Variants in TBXAS1 observed in about 807,000 individuals in gnomAD.
The protein encoded by TBXAS1 is thromboxane A synthase 1.
TBXAS1 carries 48 observed loss-of-function variants against 60.7 expected under a neutral mutation model. The observed-to-expected ratio is 0.79, with a 90% CI of 0.63 to 1.01. The LOEUF is 1.01. Among genes scored for constraint, TBXAS1 ranks in the 50% least tolerant of loss-of-function variants. TBXAS1 has a pLI of 0.00. For missense variants in TBXAS1, 685 were observed against 686.3 expected (o/e 1.00, Z 0.02); for synonymous variants, 287 against 269.7 (o/e 1.06, Z -0.63).
chr7:139,803,574 C>T (rs1797772086), intron 4 of TBXAS1, among the ~76,000 whole-genome samples: 1 of 152,134 alleles, frequency 6.6e-6, no homozygotes, highest in African/African-American at 2.4e-5. Context: ...AAAATGTCTC[C>T]AGGGTATGTC....
intron 4 of TBXAS1, among the ~76,000 whole-genome samples, chr7:139,791,803 GTTTTGT>G (rs1797390824): frequency 1.3e-5 from 1 of 76,012 alleles, no homozygotes; most frequent in Admixed American, 1.4e-4. Flanking sequence ...TCTTTGGAAT[GTTTTGT>G]TTTTTTTTTT....
rs1169218227 is a variant in TBXAS1 at position 139,833,944 on chromosome 7, C to T, written c.89+4465C>T. ...AAAGAAACAATGGATTTAAACTATA[C>T]CTTGGAACAAATGGACCTAACAGAT... is the stretch of plus-strand genomic sequence containing the variant. On this transcript the variant is annotated intron_variant, in intron 1 of 12. Transcript: ENST00000448866. 2.6e-5 allele frequency among the ~76,000 whole-genome samples: 4 copies of T among 152,098 alleles called. No homozygotes were observed. The East Asian group carries it at 7.7e-4, about 29-fold the overall frequency.
chr7:139,961,347 T>A (rs1810320393), intron 8 of TBXAS1, among the ~76,000 whole-genome samples: 1 of 152,192 alleles, frequency 6.6e-6, no homozygotes, highest in Non-Finnish European at 1.5e-5. Flanking sequence ...AGCACATGCT[T>A]GGTTTTAAAT....
intron 9 of TBXAS1, among the ~76,000 whole-genome samples, chr7:140,001,909 GCT>G (rs1190990343): frequency 6.6e-6 from 1 of 152,112 alleles, no homozygotes; most frequent in African/African-American, 2.4e-5. Flanking sequence ...GGACATTGTC[GCT>G]TCCTCCTCAC....
chr7:140,007,966 G>A (rs898042372), intron 10 of TBXAS1, among the ~76,000 whole-genome samples: 1 of 152,126 alleles, frequency 6.6e-6, no homozygotes, highest in Non-Finnish European at 1.5e-5. Flanking sequence ...ATAGAGAAGG[G>A]CATCTTAATT....
chr7:139,990,676 C>G (rs560586694), intron 9 of TBXAS1, among the ~76,000 whole-genome samples: 156 of 152,094 alleles, frequency 1.0e-3, no homozygotes, highest in African/African-American at 3.7e-3. Flanking sequence ...TTGCTGCCAC[C>G]CTCCCCACCC....
chr7:139,798,906 G>C (rs1212079535), intron 4 of TBXAS1, among the ~76,000 whole-genome samples: 1 of 152,070 alleles, frequency 6.6e-6, no homozygotes, highest in Non-Finnish European at 1.5e-5. Context: ...TCAGATCTTA[G>C]TTCTGGTTCT....
At chr7:139,959,015 AC>A (rs1810111728) in intron 8 of TBXAS1, among the ~76,000 whole-genome samples, 3 of 151,764 alleles carry the variant, frequency 2.0e-5, no homozygotes, top group East Asian at 3.9e-4. Context: ...GTTCACACAC[AC>A]ACACACACAC....
intron 3 of TBXAS1, among the ~76,000 whole-genome samples, chr7:139,883,948 G>T (rs747648463): frequency 2.0e-5 from 3 of 152,196 alleles, no homozygotes; most frequent in Non-Finnish European, 4.4e-5. Context: ...ATGACCACTA[G>T]TGAGTCAAAA....
At chr7:139,781,997 A>G (rs181673031) in intron 2 of TBXAS1, among the ~76,000 whole-genome samples, 1 of 151,770 alleles carries the variant, frequency 6.6e-6, no homozygotes, top group Admixed American at 6.6e-5. Context: ...TAGTAGAAGG[A>G]TGGGGAGGGC....
At chr7:140,019,308 G>C (rs1490556656) in intron 12 of TBXAS1, among the ~76,000 whole-genome samples, 1 of 152,196 alleles carries the variant, frequency 6.6e-6, no homozygotes, top group Non-Finnish European at 1.5e-5. Context: ...GGGGCAGACG[G>C]AGGAGCAGCC....
intron 10 of TBXAS1, among the ~76,000 whole-genome samples, chr7:140,012,395 T>G (rs116684496): frequency 1.3e-5 from 2 of 151,962 alleles, no homozygotes; most frequent in African/African-American, 4.8e-5. Context: ...GCTGGGGCTG[T>G]AATTCTGCCC....
In TBXAS1 at chr7:139,852,264, C is replaced by T. The variant is rs1335246178; in HGVS notation, c.90-19971C>T. 6.6e-6 allele frequency among the ~76,000 whole-genome samples: 1 copy of T among 152,180 alleles called. No homozygotes were observed. Among genetic ancestry groups the T allele is most frequent in the Non-Finnish European group, 1.5e-5 (1 of 68,034 alleles). On this transcript the variant is annotated intron_variant, in intron 1 of 12. Transcript: ENST00000448866. The surrounding 1 kb of genome is among the most constrained non-coding windows in gnomAD (Gnocchi z 4.4). ...GTGCTGAGATAGGAATGGCTGGGAC[C>T]AGGCAGGGTCAGGACTGAGGACTCT...
intron 1 of TBXAS1, among the ~76,000 whole-genome samples, chr7:139,847,424 C>A (rs902574233): frequency 6.6e-6 from 1 of 152,164 alleles, no homozygotes; most frequent in Non-Finnish European, 1.5e-5. Context: ...CTCATCCAAG[C>A]CCTTACCCAC....
intron 2 of TBXAS1, among the ~76,000 whole-genome samples, chr7:139,781,837 CA>C (rs200999267): frequency 2.3e-3 from 156 of 67,282 alleles, no homozygotes; most frequent in Middle Eastern, 8.8e-3. Context: ...AATTCCATCT[CA>C]AAAAAAAAAA....
rs367662385 is a variant in TBXAS1, at chr7:139,860,949, G to A, written c.90-11286G>A. Among the ~76,000 whole-genome samples, 124 of 152,272 alleles carry A rather than the reference G, an allele frequency of 8.1e-4. No individual in the cohort carries two copies. In the East Asian group the frequency reaches 0.02, roughly 24 times the overall value. ...GGCACTTTGGGAGGCTGAGGTGGGCGGATCACCTGAGGTCAGGAGTTCGAG... is the reference window on the plus strand; with the variant it reads ...GGCACTTTGGGAGGCTGAGGTGGGCAGATCACCTGAGGTCAGGAGTTCGAG... On this transcript the variant is annotated intron_variant, in intron 1 of 12. Transcript: ENST00000448866.
At chr7:139,950,117 T>G (rs1208633619) in intron 5 of TBXAS1, among the ~76,000 whole-genome samples, 2 of 134,290 alleles carry the variant, frequency 1.5e-5, no homozygotes, top group Non-Finnish European at 3.1e-5. Context: ...CACTGCAACC[T>G]CCACCTCCCA....
At chr7:139,801,845 C>A (rs1037740252) in intron 4 of TBXAS1, among the ~76,000 whole-genome samples, 1 of 152,130 alleles carries the variant, frequency 6.6e-6, no homozygotes, top group Non-Finnish European at 1.5e-5. Context: ...CTCTCTGCAA[C>A]CTCTGCCTCC....
intron 4 of TBXAS1, among the ~76,000 whole-genome samples, chr7:139,813,074 TAAATAAAATAAAATA>T (rs56001115): frequency 0.39 from 55,262 of 142,824 alleles, 12,377 homozygotes; most frequent in Non-Finnish European, 0.5. Context: ...TAAAATAAAA[TAAATAAAATAAAATA>T]AAATAAAATA....
Sources: allele counts gnomAD v4.1 joint callset (sites outside exome capture counted in the v4.1 genomes callset), GRCh38; gene constraint gnomAD v4.1.1; non-coding constraint Gnocchi (gnomAD v3.1); transcripts MANE v1.5; gene names NCBI Gene and HGNC (gene_info 2026-07-23, HGNC 2026-07-21).